CYP7B1: variants seen among roughly 807,000 people sequenced by gnomAD.
CYP7B1 encodes cytochrome P450 family 7 subfamily B member 1.
In CYP7B1, 29 loss-of-function variants were observed where a neutral mutation model predicts 42.7. The ratio of observed to expected loss-of-function variants is 0.68; its 90% CI spans 0.51 to 0.93. The LOEUF (loss-of-function observed/expected upper bound fraction) is 0.93, where lower values mean the gene tolerates loss of function less well. Among genes scored for constraint, CYP7B1 ranks in the 40% least tolerant of loss-of-function variants. CYP7B1 has a pLI of 0.00. For missense variants in CYP7B1, 655 were observed against 600.5 expected (o/e 1.09, Z -0.95); for synonymous variants, 235 against 218.2 (o/e 1.08, Z -0.68).
At chr8:64,698,714 A>C (rs1418325731) in intron 1 of CYP7B1, among the ~76,000 whole-genome samples, 1 of 152,180 alleles carries the variant, frequency 6.6e-6, no homozygotes, top group Non-Finnish European at 1.5e-5. Flanking sequence ...GCACCCAGTG[A>C]AAGTTCCCTT....
chr8:64,788,435 C>T (rs1804563857), intron 1 of CYP7B1, among the ~76,000 whole-genome samples: 1 of 152,194 alleles, frequency 6.6e-6, no homozygotes, highest in African/African-American at 2.4e-5. Flanking sequence ...CATGGGTGTT[C>T]TCCAGGTACT....
intron 1 of CYP7B1, among the ~76,000 whole-genome samples, chr8:64,728,577 T>C (rs1563407137): frequency 6.6e-6 from 1 of 152,250 alleles, no homozygotes; most frequent in Admixed American, 6.5e-5. Flanking sequence ...ATTATAATTG[T>C]TGAGTAAAAG....
At chr8:64,714,145 C>G (rs1010737440) in intron 1 of CYP7B1, among the ~76,000 whole-genome samples, 1 of 152,188 alleles carries the variant, frequency 6.6e-6, no homozygotes, top group Non-Finnish European at 1.5e-5. Context: ...TGCTCTTAAC[C>G]ATGCTATATG....
chr8:64,623,751 G>C (rs1318578091), intron 2 of CYP7B1, among the ~76,000 whole-genome samples: 1 of 152,168 alleles, frequency 6.6e-6, no homozygotes, highest in African/African-American at 2.4e-5. Context: ...GTGGTTGCTG[G>C]AGACTCAGAG....
intron 1 of CYP7B1, among the ~76,000 whole-genome samples, chr8:64,740,890 C>T (rs1279350024): frequency 6.6e-6 from 1 of 152,030 alleles, no homozygotes; most frequent in South Asian, 2.1e-4. Context: ...GCACCAGGAC[C>T]AGATGATATA....
At chr8:64,772,262 G>T (rs1325168872) in intron 1 of CYP7B1, among the ~76,000 whole-genome samples, 1 of 152,162 alleles carries the variant, frequency 6.6e-6, no homozygotes, top group South Asian at 2.1e-4. Context: ...TCATCCATTT[G>T]TCTGGGTCAC....
At chr8:64,721,894 T>C (rs748589037) in intron 1 of CYP7B1, among the ~76,000 whole-genome samples, 7 of 152,186 alleles carry the variant, frequency 4.6e-5, no homozygotes, top group Admixed American at 1.3e-4. Flanking sequence ...AAAGAATCTG[T>C]ATTATTCCAC....
intron 1 of CYP7B1, among the ~76,000 whole-genome samples, chr8:64,754,158 C>T: frequency 6.6e-6 from 1 of 152,168 alleles, no homozygotes; most frequent in East Asian, 1.9e-4. Context: ...TGTGAGGAGG[C>T]TTCTGTGTGG....
chr8:64,730,787 T>A (rs199650203), intron 1 of CYP7B1, among the ~76,000 whole-genome samples: 121 of 69,716 alleles, frequency 1.7e-3, no homozygotes, highest in Admixed American at 4.3e-3. Context: ...ACACACACAC[T>A]CTGTATATAT....
intron 1 of CYP7B1, among the ~76,000 whole-genome samples, chr8:64,755,546 G>A (rs1807795950): frequency 6.6e-6 from 1 of 152,080 alleles, no homozygotes; most frequent in Non-Finnish European, 1.5e-5. Context: ...AGCCTCCACA[G>A]TAGCTGGGAT....
At chr8:64,608,897 T>C (rs758248706) in intron 4 of CYP7B1, among the ~76,000 whole-genome samples, 1 of 152,246 alleles carries the variant, frequency 6.6e-6, no homozygotes, top group Non-Finnish European at 1.5e-5. Flanking sequence ...ATCTTCACTC[T>C]GCATCTCAGA....
intron 1 of CYP7B1, among the ~76,000 whole-genome samples, chr8:64,765,400 A>G (rs892234647): frequency 2.0e-5 from 3 of 152,186 alleles, no homozygotes; most frequent in Admixed American, 6.5e-5. Context: ...TATGAAATGA[A>G]TTTGCATAAG....
intron 1 of CYP7B1, among the ~76,000 whole-genome samples, chr8:64,768,806 T>TA (rs1804154945): frequency 6.6e-6 from 1 of 152,240 alleles, no homozygotes; most frequent in African/African-American, 2.4e-5. Context: ...ACTTCACCAT[T>TA]AAAAATACTA....
Position 64,596,800 on chromosome 8 carries a change from C to T in CYP7B1, c.1363G>A (p.Ala455Thr). ...AACAATTGTTTTATTTCCATAAGTG[C>T]AAAAAATCGGCCTGGACATTTGCTG... ...GTSKCPGRFF[A>T]LMEIKQLLVI... Residue 455 changes from alanine to threonine, a missense_variant, in exon 6 of 6, where the codon GCA (alanine) becomes ACA (threonine). Transcript: ENST00000310193. 6.2e-7 allele frequency: 1 copy of T among 1,613,984 alleles called. No individual in the cohort carries two copies. The highest frequency in any genetic ancestry group is 8.5e-7 in the Non-Finnish European group (1 of 1,179,970).
At chr8:64,755,204 T>G (rs1807789448) in intron 1 of CYP7B1, among the ~76,000 whole-genome samples, 2 of 152,106 alleles carry the variant, frequency 1.3e-5, no homozygotes, top group Admixed American at 1.3e-4. Context: ...TTAACACGGG[T>G]GATAAACTTT....
At chr8:64,778,936 C>T (rs1389454894) in intron 1 of CYP7B1, among the ~76,000 whole-genome samples, 4 of 152,040 alleles carry the variant, frequency 2.6e-5, no homozygotes, top group South Asian at 2.1e-4. Context: ...CAATGTTGAC[C>T]GTCAAGTGTG....
intron 1 of CYP7B1, among the ~76,000 whole-genome samples, chr8:64,665,049 T>C (rs1449816413): frequency 6.6e-6 from 1 of 152,176 alleles, no homozygotes; most frequent in Non-Finnish European, 1.5e-5. Flanking sequence ...CTATGTGTCA[T>C]ATGTGAAAAC....
rs7013439 is a variant in CYP7B1, at chr8:64,777,226, A to C, written c.122+21240T>G. On this transcript the variant is annotated intron_variant, in intron 1 of 5. Transcript: ENST00000310193. ...AGGTGATTAAATACAAAAGGTGAGTAAGCATAATTAGCAAAGACATGAAGG... is the reference window on the plus strand; with the variant it reads ...AGGTGATTAAATACAAAAGGTGAGTCAGCATAATTAGCAAAGACATGAAGG... 1.5e-3 allele frequency among the ~76,000 whole-genome samples: 221 copies of C among 151,962 alleles called. 1 individual carries two copies. Among genetic ancestry groups the C allele is most frequent in the African/African-American group, 4.9e-3 (204 of 41,498 alleles).
At chr8:64,716,353 T>C (rs1214188375) in intron 1 of CYP7B1, among the ~76,000 whole-genome samples, 3 of 152,214 alleles carry the variant, frequency 2.0e-5, no homozygotes, top group Admixed American at 2.0e-4. Context: ...CAAGAAGTTA[T>C]CATATCTTTT....
Sources: allele counts gnomAD v4.1 joint callset (sites outside exome capture counted in the v4.1 genomes callset), GRCh38; gene constraint gnomAD v4.1.1; transcripts MANE v1.5; gene names NCBI Gene and HGNC (gene_info 2026-07-23, HGNC 2026-07-21).